Variants in CSMD3 observed in about 807,000 individuals in gnomAD.
CSMD3 encodes CUB and sushi domain-containing protein 3.
In CSMD3, 177 loss-of-function variants were observed where a neutral mutation model predicts 435.2. The ratio of observed to expected loss-of-function variants is 0.41; its 90% CI spans 0.36 to 0.46. CSMD3 has a LOEUF of 0.46. Ranked by LOEUF, CSMD3 falls within the 20% of genes least tolerant of loss-of-function variation. The pLI, the probability that CSMD3 is intolerant of heterozygous loss-of-function variation, is 0.34. For synonymous variants in CSMD3, 1,656 were observed against 1,520.5 expected, an observed-to-expected ratio of 1.09 and a Z score of -2.07; for missense variants, 4,265 against 4,504.6, an observed-to-expected ratio of 0.95 and a Z score of 1.52.
intron 66 of CSMD3, among the ~76,000 whole-genome samples, chr8:112,238,183 C>T (rs1334048850): frequency 1.3e-5 from 2 of 150,672 alleles, no homozygotes; most frequent in Admixed American, 6.7e-5. Flanking sequence ...TACCTCACAG[C>T]ACAGCACATC....
chr8:112,253,848 T>G (rs1815509544), intron 63 of CSMD3, among the ~76,000 whole-genome samples: 1 of 151,970 alleles, frequency 6.6e-6, no homozygotes, highest in African/African-American at 2.4e-5. Context: ...TAACCCGCAT[T>G]TTTATATATT....
chr8:112,258,289 T>C (rs1816005336), intron 61 of CSMD3, among the ~76,000 whole-genome samples: 2 of 152,168 alleles, frequency 1.3e-5, no homozygotes. Context: ...TGGGATCTAA[T>C]TAAACTGAAA....
At chr8:112,321,741 A>G (rs776980220) in intron 45 of CSMD3, among the ~76,000 whole-genome samples, 14 of 152,130 alleles carry the variant, frequency 9.2e-5, no homozygotes, top group Non-Finnish European at 1.5e-4. Context: ...CAGTAGTTTA[A>G]CCTGTTTATA....
chr8:113,205,885 G>A (rs539915566), intron 3 of CSMD3, among the ~76,000 whole-genome samples: 32 of 152,056 alleles, frequency 2.1e-4, no homozygotes, highest in African/African-American at 6.7e-4. Flanking sequence ...CTTTCATCAC[G>A]TTTGTTCAGG....
At chr8:113,128,696 C>T (rs183251687) in intron 4 of CSMD3, among the ~76,000 whole-genome samples, 2 of 151,954 alleles carry the variant, frequency 1.3e-5, no homozygotes, top group South Asian at 2.1e-4. Context: ...ATTTAAATTC[C>T]AAACATATTT....
intron 35 of CSMD3, among the ~76,000 whole-genome samples, chr8:112,404,496 C>T (rs1831601738): frequency 6.6e-6 from 1 of 151,568 alleles, no homozygotes; most frequent in African/African-American, 2.4e-5. Flanking sequence ...CCATTGCACT[C>T]CAGCCTGAGT....
At chr8:113,089,200 T>C (rs1278130840) in intron 5 of CSMD3, among the ~76,000 whole-genome samples, 2 of 152,192 alleles carry the variant, frequency 1.3e-5, no homozygotes, top group Non-Finnish European at 2.9e-5. Context: ...ATAATTTTCA[T>C]TCAACATCAC....
chr8:113,048,845 T>A (rs1323272691), intron 5 of CSMD3, among the ~76,000 whole-genome samples: 1 of 152,202 alleles, frequency 6.6e-6, no homozygotes, highest in Non-Finnish European at 1.5e-5. Context: ...TCAGTTACAT[T>A]AATGATCTGA....
chr8:113,351,038 AT>A (rs1351123767), intron 1 of CSMD3, among the ~76,000 whole-genome samples: 1 of 152,008 alleles, frequency 6.6e-6, no homozygotes, highest in Admixed American at 6.6e-5. Flanking sequence ...CTGCCTTTAA[AT>A]TACCATAGCA....
chr8:112,526,318 G>A (rs2131044715), intron 27 of CSMD3, among the ~76,000 whole-genome samples: 1 of 151,952 alleles, frequency 6.6e-6, no homozygotes, highest in African/African-American at 2.4e-5. Context: ...AGGACTTATT[G>A]ACAATGATCT....
chr8:113,251,028 T>C (rs1039717367), intron 3 of CSMD3, among the ~76,000 whole-genome samples: 9 of 151,906 alleles, frequency 5.9e-5, no homozygotes, highest in Non-Finnish European at 1.0e-4. Context: ...TAAAAATGAG[T>C]ACATGAAGAG....
At chr8:112,644,965 A>G in intron 20 of CSMD3, 144 bp downstream of exon 20, 3 of 675,238 alleles carry the variant, frequency 4.4e-6, no homozygotes, top group Non-Finnish European at 8.1e-6. Context: ...TGTGGCAATT[A>G]TTTAAATTGA....
intron 22 of CSMD3, among the ~76,000 whole-genome samples, chr8:112,591,371 G>A (rs2131370176): frequency 6.6e-6 from 1 of 152,172 alleles, no homozygotes; most frequent in Non-Finnish European, 1.5e-5. Context: ...CTAGAGCAGG[G>A]ATACCCAAAA....
In CSMD3 at chr8:112,832,636, T is replaced by C. The variant is rs569135799; in HGVS notation, c.1756-2847A>G. Among the ~76,000 whole-genome samples the C allele has an allele frequency of 1.9e-4, 29 of 152,238 alleles. No individual in the cohort carries two copies. The East Asian group carries it at 5.6e-3, about 29-fold the overall frequency. ...AGTCCTACAACCACAATAATTGAAT[T>C]CTGACAACAAGTGAGCTTGGAAGAA... On this transcript the variant is annotated intron_variant, in intron 11 of 70. Coordinates refer to ENST00000297405, the MANE Select transcript of CSMD3 (RefSeq NM_198123.2).
At chr8:112,850,249 A>C (rs1329728282) in intron 11 of CSMD3, among the ~76,000 whole-genome samples, 1 of 152,178 alleles carries the variant, frequency 6.6e-6, no homozygotes, top group African/African-American at 2.4e-5. Context: ...GTCACATGAC[A>C]TGAGGAGTGT....
chr8:113,013,573 G>GCC (rs1227284695), intron 6 of CSMD3, among the ~76,000 whole-genome samples: 3 of 152,018 alleles, frequency 2.0e-5, no homozygotes, highest in Non-Finnish European at 2.9e-5. Context: ...TAATTATAAG[G>GCC]TCATGGTGGG....
intron 11 of CSMD3, among the ~76,000 whole-genome samples, chr8:112,854,471 C>A: frequency 6.6e-6 from 1 of 152,174 alleles, no homozygotes; most frequent in East Asian, 1.9e-4. Context: ...CAATTGATGA[C>A]TGCATTGAAG....
chr8:113,039,791 C>T (rs932640591), intron 5 of CSMD3, among the ~76,000 whole-genome samples: 2 of 152,144 alleles, frequency 1.3e-5, no homozygotes, highest in Admixed American at 1.3e-4. Flanking sequence ...AAGAAAAACA[C>T]ATATGCCCGT....
chr8:112,598,292 C>T (rs1288272782), intron 22 of CSMD3, among the ~76,000 whole-genome samples: 1 of 146,132 alleles, frequency 6.8e-6, no homozygotes, highest in Non-Finnish European at 1.5e-5. Context: ...AATAAAATAC[C>T]TAGGAATCCA....
Sources: gnomAD v4.1 joint callset for allele counts (sites outside exome capture counted in the v4.1 genomes callset) on GRCh38, gnomAD v4.1.1 for gene constraint, MANE v1.5 for transcripts, NCBI Gene and HGNC (gene_info 2026-07-23, HGNC 2026-07-21) for gene names.